Variants in FGGY observed in about 807,000 individuals in gnomAD.
FGGY encodes FGGY carbohydrate kinase domain containing.
Under a neutral mutation model 71.3 loss-of-function variants are expected in FGGY, and 72 were observed. That is an observed-to-expected ratio of 1.01 (90% CI 0.84 to 1.23). The LOEUF is 1.23. FGGY is among the 50% of genes most tolerant of loss of function. The pLI, the probability that FGGY is intolerant of heterozygous loss-of-function variation, is 0.00. For missense variants in FGGY, 668 were observed against 682.3 expected, an observed-to-expected ratio of 0.98 and a Z score of 0.23; for synonymous variants, 251 against 250.3, an observed-to-expected ratio of 1.00 and a Z score of -0.02.
At chr1:59,326,722 GT>G (rs1037947401) in intron 2 of FGGY, among the ~76,000 whole-genome samples, 11 of 148,892 alleles carry the variant, frequency 7.4e-5, no homozygotes, top group East Asian at 3.9e-4. Context: ...CATTTGAAGT[GT>G]TTTTTTTTTC....
chr1:59,677,161 A>G (rs2097443526), intron 14 of FGGY, among the ~76,000 whole-genome samples: 1 of 152,358 alleles, frequency 6.6e-6, no homozygotes, highest in Non-Finnish European at 1.5e-5. Flanking sequence ...TTTGTGCCCC[A>G]GGTCTGAGGA....
chr1:59,316,333 A>C (rs1021142801), intron 1 of FGGY: 1 of 152,150 alleles, frequency 6.6e-6, no homozygotes, highest in African/African-American at 2.4e-5. Flanking sequence ...AAATAGGGTA[A>C]GCTCATCCGC....
chr1:59,302,777 GT>G (rs1358655911), intron 1 of FGGY, among the ~76,000 whole-genome samples: 4 of 152,008 alleles, frequency 2.6e-5, no homozygotes, highest in African/African-American at 9.7e-5. Flanking sequence ...ACTTTATTCA[GT>G]TTGTTGAAAG....
intron 13 of FGGY, among the ~76,000 whole-genome samples, chr1:59,669,909 G>A (rs1203242239): frequency 6.6e-6 from 1 of 152,204 alleles, no homozygotes; most frequent in Non-Finnish European, 1.5e-5. Context: ...TCCCTGGGCT[G>A]ACTCAGAAGC....
intron 8 of FGGY, among the ~76,000 whole-genome samples, chr1:59,568,537 A>G (rs2095919997): frequency 6.6e-6 from 1 of 152,130 alleles, no homozygotes; most frequent in South Asian, 2.1e-4. Flanking sequence ...GAGAGGTCAC[A>G]GAGCTAGGAA....
chr1:59,548,223 T>C (rs2095556034), intron 7 of FGGY, among the ~76,000 whole-genome samples: 1 of 152,106 alleles, frequency 6.6e-6, no homozygotes, highest in South Asian at 2.1e-4. Flanking sequence ...ATGAGGTGTA[T>C]TGGTGGAAAG....
chr1:59,599,364 C>T (rs1361184586), intron 8 of FGGY, among the ~76,000 whole-genome samples: 1 of 151,992 alleles, frequency 6.6e-6, no homozygotes, highest in Non-Finnish European at 1.5e-5. Flanking sequence ...CCTTAGCCTC[C>T]CAAAGTGCTG....
chr1:59,586,990 G>T (rs1220614285), intron 8 of FGGY, among the ~76,000 whole-genome samples: 1 of 152,232 alleles, frequency 6.6e-6, no homozygotes, highest in Non-Finnish European at 1.5e-5. Context: ...GCAGGGCAAG[G>T]CATTGCCTCA....
At chr1:59,627,960 A>G (rs2096874993) in intron 10 of FGGY, among the ~76,000 whole-genome samples, 2 of 152,228 alleles carry the variant, frequency 1.3e-5, no homozygotes, top group African/African-American at 4.8e-5. Flanking sequence ...GTAGCCTTAC[A>G]ATTAATAAAT....
intron 7 of FGGY, among the ~76,000 whole-genome samples, chr1:59,535,700 A>G (rs931678543): frequency 2.0e-5 from 3 of 150,140 alleles, no homozygotes; most frequent in Non-Finnish European, 3.0e-5. Context: ...GCTCAACTAC[A>G]TGGAAACTGA....
chr1:59,422,743 A>G (rs561660756), intron 5 of FGGY, among the ~76,000 whole-genome samples: 150 of 152,234 alleles, frequency 9.9e-4, no homozygotes, highest in African/African-American at 3.5e-3. Flanking sequence ...CCTTCCATAT[A>G]GCAGTTATTA....
chr1:59,607,980 A>C, intron 9 of FGGY, 70 bp downstream of exon 9: 1 of 1,227,224 alleles, frequency 8.1e-7, no homozygotes. Context: ...TTGTCACATG[A>C]CCCATATACC....
intron 5 of FGGY, among the ~76,000 whole-genome samples, chr1:59,381,284 C>G (rs61788354): frequency 6.6e-6 from 1 of 152,094 alleles, no homozygotes; most frequent in Non-Finnish European, 1.5e-5. Flanking sequence ...GGCTCGTTTT[C>G]GGTTCCATGT....
intron 5 of FGGY, among the ~76,000 whole-genome samples, chr1:59,418,605 G>A (rs553284876): frequency 6.6e-6 from 1 of 152,168 alleles, no homozygotes; most frequent in Non-Finnish European, 1.5e-5. Context: ...GAGGAGTGGG[G>A]GAAAGTCATT....
chr1:59,400,743 A>T (rs1405726546), intron 5 of FGGY, among the ~76,000 whole-genome samples: 1 of 151,894 alleles, frequency 6.6e-6, no homozygotes, highest in Non-Finnish European at 1.5e-5. Flanking sequence ...TGACATAAGT[A>T]GAACTAAACC....
chr1:59,338,821 A>G lies in FGGY; in HGVS notation c.202-1137A>G, dbSNP rs545718039. ...AACTTTACTTACTTTTGCTAATAAG[A>G]TACGTGCATTTTTAATTTTAATAAA... On this transcript the variant is annotated intron_variant, in intron 2 of 15. Transcript: ENST00000303721. Among the ~76,000 whole-genome samples the G allele has an allele frequency of 2.0e-4, 31 of 152,326 alleles. 1 individual carries two copies. In the South Asian group the frequency reaches 5.4e-3, roughly 26 times the overall value.
intron 2 of FGGY, among the ~76,000 whole-genome samples, chr1:59,327,902 T>G (rs1054457378): frequency 6.6e-6 from 1 of 152,232 alleles, no homozygotes; most frequent in Non-Finnish European, 1.5e-5. Flanking sequence ...CTCTTTTCTT[T>G]GAGCAGTAAG....
chr1:59,418,782 G>C (rs1391857391), intron 5 of FGGY, among the ~76,000 whole-genome samples: 1 of 152,022 alleles, frequency 6.6e-6, no homozygotes, highest in Non-Finnish European at 1.5e-5. Context: ...AGTGAGTTTG[G>C]GGTCCAAAGA....
At chr1:59,429,191 G>C (rs2066898191) in intron 5 of FGGY, among the ~76,000 whole-genome samples, 1 of 151,896 alleles carries the variant, frequency 6.6e-6, no homozygotes, top group Non-Finnish European at 1.5e-5. Flanking sequence ...ACTGGGAGTT[G>C]ACGTTTAGCA....
Sources: allele counts gnomAD v4.1 joint callset (sites outside exome capture counted in the v4.1 genomes callset), GRCh38; gene constraint gnomAD v4.1.1; transcripts MANE v1.5; gene names NCBI Gene and HGNC (gene_info 2026-07-23, HGNC 2026-07-21).